The following CADM2 variants were observed in gnomAD, a reference collection of about 807,000 sequenced individuals.
CADM2 encodes the protein cell adhesion molecule 2, also known as immunoglobulin superfamily member 4D.
Under a neutral mutation model 49.8 loss-of-function variants are expected in CADM2, and 12 were observed. The observed-to-expected ratio is 0.24, with a 90% CI of 0.15 to 0.39. The LOEUF is 0.39. Ranked by LOEUF, CADM2 falls within the 10% of genes least tolerant of loss-of-function variation. The pLI is 1.00. For synonymous variants in CADM2, 214 were observed against 175.4 expected, an observed-to-expected ratio of 1.22 and a Z score of -1.74; for missense variants, 378 against 492.3, an observed-to-expected ratio of 0.77 and a Z score of 2.20.
intron 1 of CADM2, among the ~76,000 whole-genome samples, chr3:85,356,676 T>C (rs919102522): frequency 6.6e-6 from 1 of 152,162 alleles, no homozygotes; most frequent in Non-Finnish European, 1.5e-5. Context: ...GATAATAACA[T>C]AGTAGAACTA....
At chr3:85,240,022 A>G (rs1333903257) in intron 1 of CADM2, among the ~76,000 whole-genome samples, 1 of 151,528 alleles carries the variant, frequency 6.6e-6, no homozygotes, top group Non-Finnish European at 1.5e-5. Context: ...TTTCTGACAT[A>G]ATCAAATGCC....
intron 1 of CADM2, among the ~76,000 whole-genome samples, chr3:85,188,157 G>A (rs947327028): frequency 7.9e-5 from 12 of 151,672 alleles, no homozygotes; most frequent in African/African-American, 1.2e-4. Flanking sequence ...ATTTAATTTC[G>A]GTGATAGAAG....
chr3:85,720,446 T>C (rs1168022008), intron 1 of CADM2, among the ~76,000 whole-genome samples: 1 of 152,202 alleles, frequency 6.6e-6, no homozygotes, highest in East Asian at 1.9e-4. Context: ...ATTTCCTCTT[T>C]GTTTAGTAGC....
At chr3:85,688,787 C>T (rs6792588) in intron 1 of CADM2, among the ~76,000 whole-genome samples, 31,935 of 151,898 alleles carry the variant, frequency 0.21, 4,201 homozygotes, top group Non-Finnish European at 0.29. Flanking sequence ...AGCCTGGTTT[C>T]GAACTTCTGA....
chr3:85,560,397 G>A (rs563590849), intron 1 of CADM2, among the ~76,000 whole-genome samples: 3 of 152,292 alleles, frequency 2.0e-5, no homozygotes, highest in African/African-American at 7.2e-5. Context: ...AGTACTAGAT[G>A]TTGCTTTTAA....
intron 2 of CADM2, among the ~76,000 whole-genome samples, chr3:85,779,246 A>G (rs2070510505): frequency 6.6e-6 from 1 of 152,112 alleles, no homozygotes; most frequent in African/African-American, 2.4e-5. Flanking sequence ...TAGTCAATAA[A>G]ATAAAGTTTA....
intron 1 of CADM2, among the ~76,000 whole-genome samples, chr3:85,330,061 G>A (rs929173878): frequency 1.1e-4 from 17 of 152,076 alleles, no homozygotes; most frequent in Admixed American, 7.9e-4. Context: ...TTAAGACGTG[G>A]TAGAAATAAA....
chr3:85,992,522 A>G (rs1728905487), intron 8 of CADM2: 2 of 152,156 alleles, frequency 1.3e-5, no homozygotes, highest in African/African-American at 4.8e-5. Context: ...AAGTACAGGC[A>G]TGCTTTGGAG....
intron 1 of CADM2, among the ~76,000 whole-genome samples, chr3:85,263,919 C>A (rs2043066970): frequency 6.6e-6 from 1 of 151,942 alleles, no homozygotes; most frequent in African/African-American, 2.4e-5. Context: ...CCTCAAAATG[C>A]CTATTTGTTT....
intron 1 of CADM2, among the ~76,000 whole-genome samples, chr3:85,006,628 C>T (rs1051073397): frequency 6.6e-5 from 10 of 151,988 alleles, no homozygotes; most frequent in Non-Finnish European, 1.5e-4. Context: ...TTTGATTATC[C>T]TCAGTTTGAT....
chr3:85,375,757 A>G (rs1438215276), intron 1 of CADM2, among the ~76,000 whole-genome samples: 1 of 152,202 alleles, frequency 6.6e-6, no homozygotes, highest in Admixed American at 6.5e-5. Flanking sequence ...GAATATTTTC[A>G]TGACTTGGTT....
intron 1 of CADM2, among the ~76,000 whole-genome samples, chr3:84,978,764 A>G (rs1178056666): frequency 1.3e-5 from 2 of 152,222 alleles, no homozygotes; most frequent in African/African-American, 4.8e-5. Context: ...ACTGAATTAT[A>G]TGAAAACAAT....
chr3:85,650,384 C>T (rs1445852850), intron 1 of CADM2, among the ~76,000 whole-genome samples: 6 of 151,650 alleles, frequency 4.0e-5, no homozygotes, highest in Non-Finnish European at 7.4e-5. Flanking sequence ...GGGGAAGTTT[C>T]GTGATATCAT....
intron 1 of CADM2, among the ~76,000 whole-genome samples, chr3:85,172,393 C>T (rs191379913): frequency 2.0e-5 from 3 of 152,250 alleles, no homozygotes; most frequent in Admixed American, 1.3e-4. Context: ...AGATAAATAT[C>T]CCCCTTAAGA....
intron 1 of CADM2, among the ~76,000 whole-genome samples, chr3:85,202,869 T>G (rs376152184): frequency 2.0e-5 from 3 of 152,354 alleles, no homozygotes; most frequent in Non-Finnish European, 1.5e-5. Context: ...TCTGTATAAC[T>G]TCTTGTAGCT....
intron 1 of CADM2, among the ~76,000 whole-genome samples, chr3:84,974,437 T>C (rs1214787360): frequency 2.6e-5 from 4 of 152,042 alleles, no homozygotes; most frequent in African/African-American, 9.7e-5. Flanking sequence ...TTGCAGGTGA[T>C]AAATGGCTAG....
Position 85,361,429 on chromosome 3 carries a change from C to A in CADM2, c.62-365093C>A, listed in dbSNP as rs538343250. Among the ~76,000 whole-genome samples, 449 of 152,100 alleles carry A rather than the reference C, an allele frequency of 3.0e-3. 4 individuals are homozygous for A. Among genetic ancestry groups the A allele is most frequent in the African/African-American group, 0.01 (432 of 41,462 alleles). On this transcript the variant is annotated intron_variant, in intron 1 of 9. Transcript: ENST00000383699. ...GGGGCTGCCTTAGCCTAATGGTCTC[C>A]AAATAAAATTGTTTTTAACAGTACT...
intron 3 of CADM2, among the ~76,000 whole-genome samples, chr3:85,836,204 G>A (rs895452811): frequency 1.3e-5 from 2 of 151,552 alleles, no homozygotes; most frequent in African/African-American, 4.8e-5. Context: ...ACCTTAAAAT[G>A]TGCAGTAACT....
At chr3:85,229,634 T>A (rs904282839) in intron 1 of CADM2, among the ~76,000 whole-genome samples, 2 of 152,216 alleles carry the variant, frequency 1.3e-5, no homozygotes, top group African/African-American at 2.4e-5. Context: ...TTTAAAAGAA[T>A]TATATACATG....
Sources: gnomAD v4.1 joint callset for allele counts (sites outside exome capture counted in the v4.1 genomes callset) on GRCh38, gnomAD v4.1.1 for gene constraint, MANE v1.5 for transcripts, NCBI Gene and HGNC (gene_info 2026-07-23, HGNC 2026-07-21) for gene names.